Variants in PRH1 observed in about 807,000 individuals in gnomAD.
PRH1 encodes the protein proline rich protein HaeIII subfamily 1.
In PRH1, 7 loss-of-function variants were observed where a neutral mutation model predicts 7.9. That is an observed-to-expected ratio of 0.89 (90% CI 0.50 to 1.67). The LOEUF is 1.67. PRH1 is among the 40% of genes most tolerant of loss of function. The probability of loss-of-function intolerance (pLI) is 0.00; values close to 1 mark genes in which losing one functional copy is unlikely to be tolerated. For missense variants in PRH1, 109 were observed against 223.6 expected, an observed-to-expected ratio of 0.49 and a Z score of 3.27; for synonymous variants, 45 against 80.8, an observed-to-expected ratio of 0.56 and a Z score of 2.38.
chr12:11,112,435 T>A lies in PRH1; in HGVS notation n.123+58987A>T, dbSNP rs148201519. ...TACTGGCAAGCCAAATCCAGCAGCATATAAAAAGGCTTATCCACCAAGATC... is the reference window on the plus strand; with the variant it reads ...TACTGGCAAGCCAAATCCAGCAGCAAATAAAAAGGCTTATCCACCAAGATC... On this transcript the variant is annotated intron_variant and non_coding_transcript_variant, in intron 1 of 4. Coordinates refer to the PRH1 transcript ENST00000541977. Among the ~76,000 whole-genome samples the A allele has an allele frequency of 3.9e-3, 597 of 152,194 alleles. 1 individual carries two copies. The highest frequency in any genetic ancestry group is 0.014 in the African/African-American group (567 of 41,542).
upstream of PRH1, among the ~76,000 whole-genome samples, chr12:10,889,014 C>T (rs1306697062): frequency 6.6e-6 from 1 of 152,186 alleles, no homozygotes; most frequent in Non-Finnish European, 1.5e-5. Flanking sequence ...ATCTTCAATG[C>T]TAGCAATGGC....
At chr12:10,912,996 T>G (rs7310666) in intron 2 of PRH1, among the ~76,000 whole-genome samples, 162 of 152,304 alleles carry the variant, frequency 1.1e-3, no homozygotes, top group African/African-American at 3.4e-3. Flanking sequence ...AATGTTAAAC[T>G]ATCCTGCTAT....
Position 10,882,325 on chromosome 12 carries a change from A to T in PRH1, c.474T>A (p.Gly158=). The T allele has an allele frequency of 6.2e-7, 1 of 1,607,232 alleles. No homozygotes were observed. The highest frequency in any genetic ancestry group is 8.5e-7 in the Non-Finnish European group (1 of 1,177,366). Residue 158 remains glycine (G), a synonymous_variant, in exon 3 of 4, where the codon GGT becomes GGA. Coordinates refer to ENST00000543626, the MANE Select transcript of PRH1 (RefSeq NM_001393989.1). ...GCTTTCCAGGAGGAGGTGGGGGAGG[A>T]CCTTGCTGATGGCCTCCCTGTTGGG... is the stretch of plus-strand genomic sequence containing the variant. ...GPPQQGGHQQ[G]PPPPPPGKPQ...
At chr12:11,138,469 T>C (rs938513544) in intron 1 of PRH1, among the ~76,000 whole-genome samples, 5 of 152,174 alleles carry the variant, frequency 3.3e-5, no homozygotes, top group Non-Finnish European at 5.9e-5. Flanking sequence ...ATGAATAGTA[T>C]TGTGAAATTA....
At chr12:11,057,140 G>T (rs1474003936) in intron 1 of PRH1, among the ~76,000 whole-genome samples, 1 of 151,940 alleles carries the variant, frequency 6.6e-6, no homozygotes, top group Non-Finnish European at 1.5e-5. Flanking sequence ...CCAAGTATTT[G>T]GAACTATAGG....
chr12:10,986,909 G>T, intron 1 of PRH1: 1 of 1,338,578 alleles, frequency 7.5e-7, no homozygotes, highest in Non-Finnish European at 1.0e-6. Flanking sequence ...ATCACTGGTT[G>T]TGATTTCTTT....
chr12:10,884,418 G>T (rs1469083495), upstream of PRH1: 3 of 629,094 alleles, frequency 4.8e-6, no homozygotes, highest in South Asian at 4.0e-5. Flanking sequence ...AGCAGGAAGG[G>T]TTGGGTAGGA....
intron 1 of PRH1, among the ~76,000 whole-genome samples, chr12:11,019,545 A>C (rs925708482): frequency 1.3e-5 from 2 of 152,288 alleles, no homozygotes; most frequent in Admixed American, 1.3e-4. Context: ...AAGGATACTA[A>C]AAAAATATAC....
intron 1 of PRH1, chr12:11,006,216 G>A (rs369454965): frequency 6.7e-6 from 1 of 149,310 alleles, no homozygotes; most frequent in Non-Finnish European, 1.5e-5. Flanking sequence ...TCTTTGGGTA[G>A]TCTTTGTGAG....
At chr12:11,148,240 C>A (rs1946934223) in intron 1 of PRH1, among the ~76,000 whole-genome samples, 3 of 150,730 alleles carry the variant, frequency 2.0e-5, no homozygotes, top group African/African-American at 7.3e-5. Context: ...CAAACAGGGA[C>A]AATTTGACTT....
chr12:11,124,738 T>G (rs1255764756), intron 1 of PRH1, among the ~76,000 whole-genome samples: 23 of 152,256 alleles, frequency 1.5e-4, no homozygotes, highest in Admixed American at 1.5e-3. Flanking sequence ...GATGATAATG[T>G]CAGCTAAAAG....
At chr12:10,929,226 C>T (rs755442487) in intron 2 of PRH1, 25 of 1,612,192 alleles carry the variant, frequency 1.6e-5, no homozygotes, top group African/African-American at 1.2e-4. Flanking sequence ...GGAGCTGACA[C>T]GTTTCTCCCA....
At chr12:11,085,335 G>C (rs1003871313) in intron 1 of PRH1, among the ~76,000 whole-genome samples, 7 of 146,204 alleles carry the variant, frequency 4.8e-5, no homozygotes, top group African/African-American at 7.5e-5. Flanking sequence ...ATAATATGTT[G>C]AAATATCAAA....
At chr12:11,050,379 C>T (rs1038386519), upstream of PRH1, among the ~76,000 whole-genome samples, 7 of 152,196 alleles carry the variant, frequency 4.6e-5, no homozygotes, top group Non-Finnish European at 7.3e-5. Flanking sequence ...GCAGATCGCT[C>T]ATGCTATTGT....
rs752624576 is a variant in PRH1 at position 10,883,080 on chromosome 12, A to T, written c.81T>A (p.Asp27Glu). The T allele has an allele frequency of 1.1e-5, 18 of 1,613,404 alleles. No individual in the cohort carries two copies. In the Admixed American group the frequency reaches 3.0e-4, roughly 27 times the overall value. ...QDLNEDVSQE[D>E]VPLVISDGGD... ...ATTTACCTGATATTACGAGGGGAAC[A>T]TCTTCCTGGCTGACATCTAGAAAAG... Residue 27 changes from aspartate to glutamate, a missense_variant, in exon 2 of 4, where the codon GAT becomes GAA. Asp to Glu is a conservative substitution (Grantham distance 45). Coordinates refer to ENST00000543626, the MANE Select transcript of PRH1 (RefSeq NM_001393989.1).
intron 1 of PRH1, among the ~76,000 whole-genome samples, chr12:10,992,404 G>A (rs759113630): frequency 2.6e-5 from 4 of 151,102 alleles, no homozygotes; most frequent in Admixed American, 6.6e-5. Context: ...TCGGTTGTTC[G>A]TTTTTTTTTG....
intron 2 of PRH1, among the ~76,000 whole-genome samples, chr12:10,962,037 C>T (rs538424322): frequency 3.3e-5 from 5 of 152,336 alleles, no homozygotes; most frequent in South Asian, 2.1e-4. Flanking sequence ...TCAATTTCCA[C>T]GCGTCCCTGC....
At chr12:11,134,583 GT>G (rs1946491041) in intron 1 of PRH1, 1 of 256,056 alleles carries the variant, frequency 3.9e-6, no homozygotes, top group South Asian at 6.6e-5. Context: ...ACAAGGACAT[GT>G]TCACTTCCAG....
intron 1 of PRH1, among the ~76,000 whole-genome samples, chr12:10,994,885 T>A (rs765676059): frequency 5.3e-5 from 8 of 152,216 alleles, no homozygotes; most frequent in Admixed American, 2.0e-4. Context: ...AGAAAAGATA[T>A]GTGCACTTAT....
Sources: allele counts gnomAD v4.1 joint callset (sites outside exome capture counted in the v4.1 genomes callset), GRCh38; gene constraint gnomAD v4.1.1; transcripts MANE v1.5; gene names NCBI Gene and HGNC (gene_info 2026-07-23, HGNC 2026-07-21).